HSPD1: variants seen among roughly 807,000 people sequenced by gnomAD.
HSPD1 encodes the protein heat shock protein family D (Hsp60) member 1.
Under a neutral mutation model 53.0 loss-of-function variants are expected in HSPD1, and 3 were observed. The ratio of observed to expected loss-of-function variants is 0.06; its 90% CI spans 0.03 to 0.15. The LOEUF (loss-of-function observed/expected upper bound fraction) is 0.15, where lower values mean the gene tolerates loss of function less well. Ranked by LOEUF, HSPD1 falls within the 10% of genes least tolerant of loss-of-function variation. HSPD1 has a pLI of 1.00. For missense variants in HSPD1, 431 were observed against 694.1 expected (o/e 0.62, Z 4.26); for synonymous variants, 200 against 228.0 (o/e 0.88, Z 1.10).
At chr2:197,492,638 A>G (rs1050141750) in intron 7 of HSPD1, among the ~76,000 whole-genome samples, 2 of 151,618 alleles carry the variant, frequency 1.3e-5, no homozygotes, top group Admixed American at 6.6e-5. Flanking sequence ...CGGAGGCTTG[A>G]GCTGAGATTG....
At chr2:197,491,759 A>C (rs567707742) in intron 7 of HSPD1, among the ~76,000 whole-genome samples, 1 of 152,360 alleles carries the variant, frequency 6.6e-6, no homozygotes, top group South Asian at 2.1e-4. Context: ...GTAGATTTAA[A>C]TAAGTGACTA....
intron 7 of HSPD1, among the ~76,000 whole-genome samples, chr2:197,490,790 T>A (rs2086082125): frequency 6.6e-6 from 1 of 152,196 alleles, no homozygotes; most frequent in African/African-American, 2.4e-5. Context: ...TTATGAATGG[T>A]AGAAAAACAG....
At chr2:197,497,433 G>A (rs766235144) in intron 2 of HSPD1, 41 bp from the exon 3 acceptor site, 3 of 1,600,542 alleles carry the variant, frequency 1.9e-6, no homozygotes, top group Non-Finnish European at 2.6e-6. Context: ...ATACCCTAAG[G>A]ATGATTTACA....
At chr2:197,487,748 C>T (rs2086044060) in intron 11 of HSPD1, 110 bp downstream of exon 11, 1 of 830,560 alleles carries the variant, frequency 1.2e-6, no homozygotes, top group Non-Finnish European at 2.1e-6. Context: ...ATTGCTGTTG[C>T]TACTGCTATT....
chr2:197,493,428 C>A lies in HSPD1; in HGVS notation c.765G>T (p.Gln255His). 6.2e-7 allele frequency: 1 copy of A among 1,613,072 alleles called. No individual in the cohort carries two copies. The highest frequency in any genetic ancestry group is 8.5e-7 in the Non-Finnish European group (1 of 1,179,006). Reference sequence around the variant, plus strand: ...CAATTTCAAGAGCAGGTACAATGGACTGGATACTAGAAATTTTCTTTTCAC... The same window carrying A: ...CAATTTCAAGAGCAGGTACAATGGAATGGATACTAGAAATTTTCTTTTCAC... Reference protein sequence around the residue: ...LLSEKKISSIQSIVPALEIAN... With the variant: ...LLSEKKISSIHSIVPALEIAN... The change falls in exon 7 of 12, where the codon CAG becomes CAT. Residue 255 changes from glutamine to histidine, a missense_variant. Transcript: ENST00000388968.
intron 7 of HSPD1, among the ~76,000 whole-genome samples, chr2:197,492,998 C>A (rs1441759353): frequency 7.1e-6 from 1 of 140,500 alleles, no homozygotes. Flanking sequence ...GGGAGTGAGA[C>A]TCTGTCTCAA....
intron 11 of HSPD1, 45 bp downstream of exon 11, chr2:197,487,813 A>C (rs1282881220): frequency 1.3e-5 from 20 of 1,545,078 alleles, no homozygotes; most frequent in Non-Finnish European, 1.8e-5. Context: ...ATACATTAAC[A>C]AAATGAACAA....
intron 7 of HSPD1, chr2:197,490,671 A>G: frequency 1.2e-5 from 3 of 257,414 alleles, no homozygotes; most frequent in Non-Finnish European, 2.3e-5. Flanking sequence ...TCTACTGAAA[A>G]TAACAAAAAT....
chr2:197,490,183 T>C lies in HSPD1; in HGVS notation c.969+14A>G. 1 of 1,544,908 alleles carries C rather than the reference T, an allele frequency of 6.5e-7. No homozygotes were observed. Among genetic ancestry groups the C allele is most frequent in the Admixed American group, 1.7e-5 (1 of 59,952 alleles). On this transcript the variant is annotated intron_variant, in intron 8 of 11. Transcript: ENST00000388968. ...AAACATTCAGCAAACCATTATCACA[T>C]TTATTTTACTTACTGCACCACCAGT...
chr2:197,489,158 G>A lies in HSPD1; in HGVS notation c.1059C>T (p.Asp353=), dbSNP rs776946007. ...GKVGEVIVTK[D]DAMLLKGKGD... The stretch of plus-strand genomic sequence containing the variant: ...CTTTTCCTTTTAAGAGCATGGCATC[G>A]TCTTTGGTCACAATGACCTCTCCAA... The change falls in exon 9 of 12, where the codon GAC becomes GAT. Residue 353 remains aspartate (D), a synonymous_variant. Transcript: ENST00000388968. The A allele has an allele frequency of 1.2e-5, 20 of 1,614,046 alleles. No homozygotes were observed. The highest frequency in any genetic ancestry group is 4.5e-5 in the East Asian group (2 of 44,878).
At chr2:197,497,418 C>A (rs772909395) in intron 2 of HSPD1, 26 bp from the exon 3 acceptor site, 5 of 1,609,604 alleles carry the variant, frequency 3.1e-6, no homozygotes, top group South Asian at 2.2e-5. Flanking sequence ...GTAACAGGAT[C>A]AGACATACCC....
chr2:197,492,717 A>T (rs2086109728), intron 7 of HSPD1, among the ~76,000 whole-genome samples: 1 of 151,834 alleles, frequency 6.6e-6, no homozygotes, highest in African/African-American at 2.4e-5. Flanking sequence ...AATAAAAAAT[A>T]AAAAAATTAC....
At chr2:197,487,694 G>A (rs2086043386) in intron 11 of HSPD1, among the ~76,000 whole-genome samples, 164 bp downstream of exon 11, 1 of 152,176 alleles carries the variant, frequency 6.6e-6, no homozygotes, top group Admixed American at 6.5e-5. Context: ...TAAATATCTA[G>A]GTGCTGGAAA....
chr2:197,490,485 T>C, intron 7 of HSPD1, 189 bp from the exon 8 acceptor site: 2 of 600,634 alleles, frequency 3.3e-6, no homozygotes, highest in Non-Finnish European at 5.9e-6. Flanking sequence ...TGAGACAGTT[T>C]AGGCTATTTT....
intron 5 of HSPD1, 27 bp from the exon 6 acceptor site, chr2:197,494,277 A>G (rs1297906357): frequency 8.3e-6 from 9 of 1,089,884 alleles, no homozygotes; most frequent in Admixed American, 6.7e-5. Context: ...AATTAGGTAT[A>G]TGGATTTCAT....
Position 197,487,904 on chromosome 2 carries a change from C to G in HSPD1, c.1523G>C (p.Gly508Ala), listed in dbSNP as rs1440276319. 2 of 1,613,862 alleles carry G rather than the reference C, an allele frequency of 1.2e-6. No individual in the cohort carries two copies. The highest frequency in any genetic ancestry group is 3.3e-5 in the Admixed American group (2 of 60,020). Residue 508 changes from glycine (G) to alanine (A), a missense_variant, in exon 11 of 12, where the codon GGA (glycine) becomes GCA (alanine). By Grantham distance (60) the Gly-to-Ala change is moderately conservative. This residue lies in a region of HSPD1 where 386 missense variants were observed against 657.6 expected (regional missense o/e 0.59). Coordinates refer to ENST00000388968, the MANE Select transcript of HSPD1 (RefSeq NM_002156.5). ...TTTTTCCACCATATTCACAAAATCT[C>G]CAGCCATAGCATCATAACCAACTTC... is the stretch of plus-strand genomic sequence containing the variant. ...SSEVGYDAMAGDFVNMVEKGI... is the reference protein window; with the variant it reads ...SSEVGYDAMAADFVNMVEKGI...
At chr2:197,497,858 C>T (rs1172328950) in intron 2 of HSPD1, among the ~76,000 whole-genome samples, 1 of 152,192 alleles carries the variant, frequency 6.6e-6, no homozygotes, top group African/African-American at 2.4e-5. Context: ...TATTGGCCAT[C>T]CTTTGGATTT....
chr2:197,489,850 C>T (rs2086069583), intron 8 of HSPD1, among the ~76,000 whole-genome samples: 1 of 148,742 alleles, frequency 6.7e-6, no homozygotes, highest in African/African-American at 2.5e-5. Flanking sequence ...TCAAGACACC[C>T]TGTCTCAAAA....
rs1411441789 is a variant in HSPD1 at position 197,486,985 on chromosome 2, G to C, written c.*61C>G. 6.6e-6 allele frequency: 7 copies of C among 1,060,634 alleles called. No homozygotes were observed. The highest frequency in any genetic ancestry group is 3.1e-5 in the African/African-American group (2 of 64,084). The allele number at this position is 1,060,634 out of a possible 1,614,324, so 65.7% of individuals were successfully genotyped here. ...TGACTTCTCTGAAGTTATTGGTGAG[G>C]AACACTGCCTTGGGCTTCCTGTCAC... On this transcript the variant is annotated 3_prime_UTR_variant, in exon 12 of 12. Coordinates refer to ENST00000388968, the MANE Select transcript of HSPD1 (RefSeq NM_002156.5).
Sources: allele counts gnomAD v4.1 joint callset (sites outside exome capture counted in the v4.1 genomes callset), GRCh38; gene constraint gnomAD v4.1.1; regional missense constraint gnomAD v4.1.1; transcripts MANE v1.5; gene names NCBI Gene and HGNC (gene_info 2026-07-23, HGNC 2026-07-21).